Variants in RCSD1 observed in about 807,000 individuals in gnomAD.
RCSD1 encodes RCSD domain containing 1, also known as capZ-interacting protein.
In RCSD1, 26 loss-of-function variants were observed where a neutral mutation model predicts 42.5. That is an observed-to-expected ratio of 0.61 (90% confidence interval 0.45 to 0.85). The LOEUF (loss-of-function observed/expected upper bound fraction) is 0.85. Among genes scored for constraint, RCSD1 ranks in the 40% least tolerant of loss-of-function variants. The probability of loss-of-function intolerance (pLI) is 0.00; values close to 1 mark genes in which losing one functional copy is unlikely to be tolerated. For synonymous variants in RCSD1, 220 were observed against 212.2 expected, an observed-to-expected ratio of 1.04 and a Z score of -0.32; for missense variants, 571 against 528.3, an observed-to-expected ratio of 1.08 and a Z score of -0.79.
At chr1:167,661,834 T>C (rs1245060402) in intron 1 of RCSD1, among the ~76,000 whole-genome samples, 1 of 152,192 alleles carries the variant, frequency 6.6e-6, no homozygotes, top group East Asian at 1.9e-4. Flanking sequence ...CAAGAGAAGA[T>C]TGGCTTATTT....
rs192694880 is a variant in RCSD1 at position 167,679,717 on chromosome 1, G to T, written c.7-4183G>T. ...CTGCATCTTCTCTTAAGCTGCAGATGATGAGGCCTTCCCTGGGGCCTTGTT... is the reference window on the plus strand; with the variant it reads ...CTGCATCTTCTCTTAAGCTGCAGATTATGAGGCCTTCCCTGGGGCCTTGTT... On this transcript the variant is annotated intron_variant, in intron 1 of 6. Coordinates refer to ENST00000367854, the MANE Select transcript of RCSD1 (RefSeq NM_052862.4). 5.9e-5 allele frequency among the ~76,000 whole-genome samples: 9 copies of T among 152,334 alleles called. No homozygotes were observed. In the East Asian group the frequency reaches 1.5e-3, roughly 26 times the overall value.
chr1:167,668,684 G>A (rs972620160), intron 1 of RCSD1, among the ~76,000 whole-genome samples: 2 of 151,104 alleles, frequency 1.3e-5, no homozygotes, highest in Admixed American at 6.6e-5. Context: ...AGCACCAACT[G>A]CAGGGCCTGG....
In RCSD1 at chr1:167,700,302, T is replaced by A. The variant is rs1659607087; in HGVS notation, c.1218+2460T>A. Among the ~76,000 whole-genome samples, 3 of 152,260 alleles carry A rather than the reference T, an allele frequency of 2.0e-5. No individual in the cohort carries two copies. The Middle Eastern group carries it at 0.01, about 518-fold the overall frequency. On this transcript the variant is annotated intron_variant, in intron 6 of 6. Coordinates refer to ENST00000367854, the MANE Select transcript of RCSD1 (RefSeq NM_052862.4). Reference sequence around the variant, plus strand: ...GTCCCAAAGACTCATAAAGTATGACTGAGACCCCTGGGTTAAGTTGTTAGG... The same window carrying A: ...GTCCCAAAGACTCATAAAGTATGACAGAGACCCCTGGGTTAAGTTGTTAGG...
At chr1:167,688,595 A>G (rs1317469112) in intron 3 of RCSD1, among the ~76,000 whole-genome samples, 1 of 152,212 alleles carries the variant, frequency 6.6e-6, no homozygotes, top group Non-Finnish European at 1.5e-5. Context: ...GGCTCCTGCC[A>G]AAACTAGAAT....
At position 167,669,999 on chromosome 1, in the gene RCSD1, G is replaced by T. The variant is rs2294643; in HGVS notation, c.7-13901G>T. ...CAGACCTCAGGACACACACGCACAC[G>T]CACACTCACACTGTCACTTGACTCC... On this transcript the variant is annotated intron_variant, in intron 1 of 6. Coordinates refer to ENST00000367854, the MANE Select transcript of RCSD1 (RefSeq NM_052862.4). Among the ~76,000 whole-genome samples, 28 of 109,056 alleles carry T rather than the reference G, an allele frequency of 2.6e-4. No homozygotes were observed. In the East Asian group the frequency reaches 7.9e-3, roughly 31 times the overall value. 71.5% of individuals were successfully genotyped at this position (109,056 alleles called of 152,430 possible).
chr1:167,699,472 G>A (rs1006948285), intron 6 of RCSD1, among the ~76,000 whole-genome samples: 1 of 151,812 alleles, frequency 6.6e-6, no homozygotes, highest in African/African-American at 2.4e-5. Flanking sequence ...GCATCTCTTG[G>A]CATCTAGATG....
chr1:167,682,668 A>AGAGTGTGT (rs35318679), intron 1 of RCSD1, among the ~76,000 whole-genome samples: 1 of 142,618 alleles, frequency 7.0e-6, no homozygotes, highest in East Asian at 2.1e-4. Flanking sequence ...GCCATGGAAG[A>AGAGTGTGT]GTGTGTGTGT....
intron 1 of RCSD1, among the ~76,000 whole-genome samples, chr1:167,674,063 T>A (rs1172670690): frequency 6.6e-6 from 1 of 152,232 alleles, no homozygotes; most frequent in Non-Finnish European, 1.5e-5. Context: ...CTCATTGAGC[T>A]CTAGGACCAT....
Position 167,697,618 on chromosome 1 carries a change from G to A in RCSD1, c.994G>A (p.Asp332Asn). ...VQNEEVGPEH[D>N]SQETKKLEEG... ...AAATGAAGAGGTGGGACCTGAACAT[G>A]ACAGCCAAGAAACAAAGAAGCTGGA... The change falls in exon 6 of 7, where the codon GAC becomes AAC. Residue 332 changes from aspartate to asparagine, a missense_variant. Transcript: ENST00000367854. 1.2e-6 allele frequency: 2 copies of A among 1,607,256 alleles called. No individual in the cohort carries two copies. Among genetic ancestry groups the A allele is most frequent in the African/African-American group, 2.7e-5 (2 of 74,858 alleles).
intron 1 of RCSD1, among the ~76,000 whole-genome samples, chr1:167,673,409 A>G (rs1190564403): frequency 6.6e-6 from 1 of 152,246 alleles, no homozygotes; most frequent in African/African-American, 2.4e-5. Flanking sequence ...ATGTTGCAGC[A>G]CAGCCTCAGT....
At chr1:167,645,284 G>A (rs978330716) in intron 1 of RCSD1, among the ~76,000 whole-genome samples, 2 of 152,214 alleles carry the variant, frequency 1.3e-5, no homozygotes, top group African/African-American at 4.8e-5. Context: ...GCATAGGACA[G>A]ACCTGGCTTG....
chr1:167,650,848 C>T (rs1658283375), intron 1 of RCSD1, among the ~76,000 whole-genome samples: 1 of 152,186 alleles, frequency 6.6e-6, no homozygotes, highest in African/African-American at 2.4e-5. Flanking sequence ...AAGCAGCTTC[C>T]CCGAGGCCAA....
chr1:167,706,212 T>A lies in RCSD1; in HGVS notation c.*1516T>A, dbSNP rs1030187020. 1 of 152,234 alleles carries A rather than the reference T, an allele frequency of 6.6e-6. No homozygotes were observed. Among genetic ancestry groups the A allele is most frequent in the Non-Finnish European group, 1.5e-5 (1 of 68,044 alleles). 9.4% of individuals were successfully genotyped at this position (152,234 alleles called of 1,614,324 possible). Reference sequence around the variant, plus strand: ...AACCTGGTTGGGACTGATATTGTCATAGCTATGATAAACTTTGGATATTAG... The same window carrying A: ...AACCTGGTTGGGACTGATATTGTCAAAGCTATGATAAACTTTGGATATTAG... On this transcript the variant is annotated 3_prime_UTR_variant, in exon 7 of 7. Transcript: ENST00000367854.
At chr1:167,641,112 C>T (rs1409823821) in intron 1 of RCSD1, among the ~76,000 whole-genome samples, 2 of 152,148 alleles carry the variant, frequency 1.3e-5, no homozygotes, top group Admixed American at 6.5e-5. Flanking sequence ...CCCCTAGTGC[C>T]TGGGTCTCAG....
chr1:167,659,943 A>G (rs995270848), intron 1 of RCSD1, among the ~76,000 whole-genome samples: 21 of 152,124 alleles, frequency 1.4e-4, no homozygotes, highest in Admixed American at 6.5e-4. Flanking sequence ...GCTCTCTCCA[A>G]AAGGATGTCT....
At chr1:167,678,840 C>T (rs151289718) in intron 1 of RCSD1, among the ~76,000 whole-genome samples, 2 of 152,374 alleles carry the variant, frequency 1.3e-5, no homozygotes, top group Non-Finnish European at 2.9e-5. Flanking sequence ...CTCTGCCCCT[C>T]AACCTTTGTT....
chr1:167,678,450 C>T (rs1659002189), intron 1 of RCSD1, among the ~76,000 whole-genome samples: 1 of 146,754 alleles, frequency 6.8e-6, no homozygotes. Context: ...ATCCCGTTAT[C>T]CAAGTCAAAC....
At position 167,638,097 on chromosome 1, in the gene RCSD1, C is replaced by G. The variant is rs571293717; in HGVS notation, c.6+7668C>G. ...ACCCTCCACCTTCAATAGTTCATTC[C>G]CAATGCGTGAGCTAAATGTACGCTT... On this transcript the variant is annotated intron_variant, in intron 1 of 6. Transcript: ENST00000367854. Among the ~76,000 whole-genome samples, 16 of 152,298 alleles carry G rather than the reference C, an allele frequency of 1.1e-4. No individual in the cohort carries two copies. The East Asian group carries it at 3.1e-3, about 29-fold the overall frequency.
At position 167,707,546 on chromosome 1, in the gene RCSD1, G is replaced by C. The variant is rs565666134; in HGVS notation, c.*2850G>C. On this transcript the variant is annotated 3_prime_UTR_variant, in exon 7 of 7. Transcript: ENST00000367854. ...CAAGTGATGTCAGGAATCTCTCATG[G>C]TATTGGTCTCTGCTTTCCCTCGTAT... 1.8e-4 allele frequency among the ~76,000 whole-genome samples: 27 copies of C among 151,872 alleles called. 1 individual carries two copies. Among genetic ancestry groups the C allele is most frequent in the Admixed American group, 1.3e-3 (20 of 15,268 alleles).
Sources: allele counts gnomAD v4.1 joint callset (sites outside exome capture counted in the v4.1 genomes callset), GRCh38; gene constraint gnomAD v4.1.1; transcripts MANE v1.5; gene names NCBI Gene and HGNC (gene_info 2026-07-23, HGNC 2026-07-21).